MYH9: variants seen among roughly 807,000 people sequenced by gnomAD.
MYH9 encodes the protein myosin heavy chain 9.
MYH9 carries 29 observed loss-of-function variants against 241.9 expected under a neutral mutation model. That is an observed-to-expected ratio of 0.12 (90% CI 0.09 to 0.16). MYH9 has a LOEUF of 0.16. MYH9 is among the 10% of genes least tolerant of loss of function. MYH9 has a pLI of 1.00. For synonymous variants in MYH9, 1,047 were observed against 1,062.6 expected (o/e 0.99, Z 0.29); for missense variants, 1,803 against 2,595.5 (o/e 0.69, Z 6.63).
At chr22:36,357,666 T>A (rs376337400) in intron 1 of MYH9, among the ~76,000 whole-genome samples, 1 of 152,050 alleles carries the variant, frequency 6.6e-6, no homozygotes, top group East Asian at 1.9e-4. Flanking sequence ...TCAGTCGTCA[T>A]CCTCCCCCAT....
intron 5 of MYH9, chr22:36,324,941 C>T (rs2017311957): frequency 6.2e-6 from 4 of 648,496 alleles, no homozygotes; most frequent in Admixed American, 4.9e-5. Flanking sequence ...ATCTATTTCA[C>T]TGCTCTCCGT....
chr22:36,318,410 A>T, intron 10 of MYH9, 85 bp from the exon 11 acceptor site: 2 of 1,091,264 alleles, frequency 1.8e-6, no homozygotes, highest in Admixed American at 3.4e-5. Context: ...CAAGAGAATA[A>T]GTCCCTCTGC....
chr22:36,349,308 A>G (rs2017731052), intron 1 of MYH9, 53 bp from the exon 2 acceptor site: 1 of 1,335,742 alleles, frequency 7.5e-7, no homozygotes, highest in East Asian at 2.3e-5. Flanking sequence ...TCAGCCACAC[A>G]AGATCACTCA....
chr22:36,358,238 G>T (rs965555544), intron 1 of MYH9, among the ~76,000 whole-genome samples: 8 of 152,132 alleles, frequency 5.3e-5, no homozygotes, highest in Admixed American at 1.3e-4. Context: ...CTAATTTTTT[G>T]TATTTTAGTA....
At chr22:36,351,093 C>T (rs936850980) in intron 1 of MYH9, among the ~76,000 whole-genome samples, 6 of 152,176 alleles carry the variant, frequency 3.9e-5, no homozygotes, top group African/African-American at 1.4e-4. Context: ...CTAGGCTGAC[C>T]AGAACTTTTC....
intron 3 of MYH9, among the ~76,000 whole-genome samples, chr22:36,333,888 C>A (rs950940465): frequency 6.6e-6 from 1 of 152,102 alleles, no homozygotes; most frequent in African/African-American, 2.4e-5. Flanking sequence ...GCCAAAAGCA[C>A]GAAGTGGCTT....
intron 3 of MYH9, among the ~76,000 whole-genome samples, chr22:36,328,117 G>A (rs2017364888): frequency 6.6e-6 from 1 of 152,242 alleles, no homozygotes; most frequent in South Asian, 2.1e-4. Context: ...CACGGTGTCT[G>A]GCAAGTGGAA....
chr22:36,285,324 G>A lies in MYH9; in HGVS notation c.5280C>T (p.Asp1760=). The A allele has an allele frequency of 1.2e-6, 2 of 1,609,196 alleles. No homozygotes were observed. The highest frequency in any genetic ancestry group is 1.7e-6 in the Non-Finnish European group (2 of 1,180,016). ...CCAGGTTCAGGTCGGTGTTGATCTGGTCGATCTGCAGAAGAAGGGCCAGTG... is the reference window on the plus strand; with the variant it reads ...CCAGGTTCAGGTCGGTGTTGATCTGATCGATCTGCAGAAGAAGGGCCAGTG... ...DRLKKANLQI[D]QINTDLNLER... Residue 1760 remains aspartate, a synonymous_variant, in exon 38 of 41, where the codon GAC becomes GAT. Coordinates refer to ENST00000216181, the MANE Select transcript of MYH9 (RefSeq NM_002473.6). The surrounding 1 kb of genome is among the most constrained non-coding windows in gnomAD (Gnocchi z 7.0).
At chr22:36,316,810 C>A in intron 11 of MYH9, 141 bp from the exon 12 acceptor site, 1 of 888,084 alleles carries the variant, frequency 1.1e-6, no homozygotes, top group South Asian at 1.6e-5. Context: ...AAAAAATCTT[C>A]GTACACAAAT....
At chr22:36,340,403 G>A (rs2017566705) in intron 3 of MYH9, among the ~76,000 whole-genome samples, 1 of 152,018 alleles carries the variant, frequency 6.6e-6, no homozygotes, top group Non-Finnish European at 1.5e-5. Flanking sequence ...GCTCACGCCT[G>A]TAATCCCAGC....
In MYH9 at chr22:36,300,060, AG is replaced by A. The variant is rs1191951888; in HGVS notation, c.2976+66del. ...CAGCAGCGGGGAGCCAGGCCCTGCA[AG>A]GGTGACCACACTCTCCCATCCACGG... On this transcript the variant is annotated intron_variant, in intron 23 of 40. Transcript: ENST00000216181. This position sits in a 1 kb window ranked among gnomAD's most constrained non-coding sequence, Gnocchi z 5.0. 2 of 1,594,574 alleles carry A rather than the reference AG, an allele frequency of 1.3e-6. No homozygotes were observed. The highest frequency in any genetic ancestry group is 2.7e-5 in the African/African-American group (2 of 74,936).
intron 13 of MYH9, among the ~76,000 whole-genome samples, chr22:36,313,084 C>T (rs1194147629): frequency 7.8e-6 from 1 of 127,726 alleles, no homozygotes; most frequent in Non-Finnish European, 1.8e-5. Flanking sequence ...GAACAAAAAT[C>T]TGTCTCAAAA....
intron 3 of MYH9, among the ~76,000 whole-genome samples, chr22:36,340,314 T>C (rs2017565118): frequency 6.6e-6 from 1 of 151,966 alleles, no homozygotes; most frequent in African/African-American, 2.4e-5. Flanking sequence ...TGATCACATT[T>C]ACATCCCAGA....
intron 5 of MYH9, among the ~76,000 whole-genome samples, chr22:36,324,738 C>T (rs551091161): frequency 6.6e-6 from 1 of 152,370 alleles, no homozygotes; most frequent in South Asian, 2.1e-4. Flanking sequence ...TTCACGCTGA[C>T]AGCCTGAGCT....
At chr22:36,321,529 C>T (rs1037233223) in intron 7 of MYH9, among the ~76,000 whole-genome samples, 14 of 152,222 alleles carry the variant, frequency 9.2e-5, no homozygotes, top group African/African-American at 3.1e-4. Context: ...CTTTCAACAG[C>T]TCCATGCCAT....
chr22:36,327,418 AC>A, intron 4 of MYH9, 42 bp downstream of exon 4: 1 of 1,612,350 alleles, frequency 6.2e-7, no homozygotes, highest in Non-Finnish European at 8.5e-7. Flanking sequence ...ATGAGAACAG[AC>A]TGGGGTGAAA....
chr22:36,299,990 T>C (rs1448620013), intron 23 of MYH9, 137 bp downstream of exon 23: 2 of 1,285,614 alleles, frequency 1.6e-6, no homozygotes, highest in East Asian at 2.3e-5. Context: ...GCACTTGCAG[T>C]TAAGCAGAAG....
intron 38 of MYH9, among the ~76,000 whole-genome samples, chr22:36,284,854 C>T (rs1384535003): frequency 1.3e-5 from 2 of 152,158 alleles, no homozygotes; most frequent in Non-Finnish European, 2.9e-5. Context: ...GGGCAGGACC[C>T]CCCTGTACCT....
chr22:36,383,666 G>A (rs12172211), intron 1 of MYH9, among the ~76,000 whole-genome samples: 220 of 39,220 alleles, frequency 5.6e-3, no homozygotes, highest in Non-Finnish European at 0.018. Flanking sequence ...TAAAAAAAAA[G>A]GGGGGGGGGT....
Sources: allele counts gnomAD v4.1 joint callset (sites outside exome capture counted in the v4.1 genomes callset), GRCh38; gene constraint gnomAD v4.1.1; non-coding constraint Gnocchi (gnomAD v3.1); transcripts MANE v1.5; gene names NCBI Gene and HGNC (gene_info 2026-07-23, HGNC 2026-07-21).